The following TECPR1 variants were observed in gnomAD, a reference collection of about 807,000 sequenced individuals.
The protein encoded by TECPR1 is tectonin beta-propeller repeat containing 1, also known as tectonin beta-propeller repeat-containing protein 1.
TECPR1 carries 122 observed loss-of-function variants against 162.4 expected under a neutral mutation model. The observed-to-expected ratio is 0.75, with a 90% CI of 0.65 to 0.87. The LOEUF (loss-of-function observed/expected upper bound fraction) is 0.87, where lower values mean the gene tolerates loss of function less well. Ranked by LOEUF, TECPR1 falls within the 40% of genes least tolerant of loss-of-function variation. The pLI is 0.00. For synonymous variants in TECPR1, 642 were observed against 670.6 expected (o/e 0.96, Z 0.66); for missense variants, 1,432 against 1,618.2 (o/e 0.88, Z 1.97).
chr7:98,220,611 T>G (rs1349397458), intron 23 of TECPR1, among the ~76,000 whole-genome samples: 2 of 150,540 alleles, frequency 1.3e-5, no homozygotes, highest in African/African-American at 2.4e-5. Context: ...CAGGCTGGAG[T>G]GCAGTGACGC....
rs760319526 is a variant in TECPR1, at chr7:98,236,790, C to T, written c.1167G>A (p.Ser389=). 1.6e-5 allele frequency: 25 copies of T among 1,593,752 alleles called. 1 individual carries two copies. The highest frequency in any genetic ancestry group is 1.7e-5 in the Admixed American group (1 of 57,188). The change falls in exon 10 of 26, where the codon TCG becomes TCA. Residue 389 remains serine (S), a synonymous_variant. Coordinates refer to ENST00000447648, the MANE Select transcript of TECPR1 (RefSeq NM_015395.3). ...RECDRSHSGS[S]SSLLSAGCFF... ...CCCCCAGTCACCTGAGGAGACTAGA[C>T]GAGCTGCCAGAGTGTGACCGGTCAC...
At chr7:98,244,040 G>T (rs543359472) in intron 5 of TECPR1, among the ~76,000 whole-genome samples, 1 of 152,272 alleles carries the variant, frequency 6.6e-6, no homozygotes, top group Admixed American at 6.5e-5. Context: ...TCAACAGAGT[G>T]CAACAGAGCG....
At position 98,221,709 on chromosome 7, in the gene TECPR1, T is replaced by G. The variant is rs1467381375; in HGVS notation, c.3109A>C (p.Lys1037Gln). 1 of 1,613,500 alleles carries G rather than the reference T, an allele frequency of 6.2e-7. No homozygotes were observed. The highest frequency in any genetic ancestry group is 2.2e-5 in the East Asian group (1 of 44,872). ...HIPSPPRQRL[K>Q]QVSAGQTSVY... ...GACGTCTGCCCCGCGGACACCTGCT[T>G]CAGCCTCTGTCTCGGTGGGGACGGG... Residue 1037 changes from lysine to glutamine, a missense_variant, in exon 23 of 26, where the codon AAG becomes CAG. Lys to Gln is a moderately conservative substitution (Grantham distance 53). Coordinates refer to ENST00000447648, the MANE Select transcript of TECPR1 (RefSeq NM_015395.3).
At chr7:98,227,558 T>C (rs1484057271) in intron 17 of TECPR1, among the ~76,000 whole-genome samples, 1 of 151,762 alleles carries the variant, frequency 6.6e-6, no homozygotes, top group South Asian at 2.1e-4. Flanking sequence ...TGGTGGCTCA[T>C]GCCTGTAACC....
chr7:98,239,999 C>G (rs182508983), intron 8 of TECPR1, among the ~76,000 whole-genome samples: 1 of 151,826 alleles, frequency 6.6e-6, no homozygotes, highest in Admixed American at 6.6e-5. Context: ...AGCCCCGCTA[C>G]GAGGGAGGCT....
intron 21 of TECPR1, 45 bp from the exon 22 acceptor site, chr7:98,222,566 C>A (rs758465189): frequency 3.9e-6 from 6 of 1,540,994 alleles, no homozygotes; most frequent in East Asian, 2.4e-5. Context: ...GGGCCCCCAC[C>A]CCCAGGGCCC....
rs1420912108 is a variant in TECPR1, at chr7:98,241,374, C to T, written c.658-130G>A. 3.4e-6 allele frequency: 4 copies of T among 1,178,980 alleles called. No individual in the cohort carries two copies. The highest frequency in any genetic ancestry group is 4.8e-6 in the Non-Finnish European group (4 of 840,876). 73.0% of individuals were successfully genotyped at this position (1,178,980 alleles called of 1,614,324 possible). ...CCAGATCTCACTCCCTGCCCCCTAC[C>T]CCGGCCAAAAAACGCAAACCCTGGA... is the stretch of plus-strand genomic sequence containing the variant. On this transcript the variant is annotated intron_variant, in intron 6 of 25. Coordinates refer to ENST00000447648, the MANE Select transcript of TECPR1 (RefSeq NM_015395.3). The surrounding 1 kb of genome is among the most constrained non-coding windows in gnomAD (Gnocchi z 5.0).
chr7:98,219,681 C>T (rs932366956), intron 23 of TECPR1, among the ~76,000 whole-genome samples: 2 of 152,126 alleles, frequency 1.3e-5, no homozygotes, highest in Non-Finnish European at 1.5e-5. Flanking sequence ...GCAGGCGGAT[C>T]ACCTGAGGTT....
chr7:98,225,202 G>A, intron 17 of TECPR1, 100 bp from the exon 18 acceptor site: 1 of 1,160,636 alleles, frequency 8.6e-7, no homozygotes, highest in Non-Finnish European at 1.2e-6. Context: ...CCGAGCTCCA[G>A]TCTCAGAGCC....
intron 10 of TECPR1, among the ~76,000 whole-genome samples, chr7:98,235,827 CAAA>C (rs765569294): frequency 2.7e-5 from 1 of 36,694 alleles, no homozygotes. Context: ...GAGACTGTCT[CAAA>C]AAAAAAAAAA....
intron 2 of TECPR1, among the ~76,000 whole-genome samples, chr7:98,247,774 G>A (rs980271689): frequency 1.3e-5 from 2 of 151,968 alleles, no homozygotes; most frequent in African/African-American, 4.8e-5. Flanking sequence ...CCAGACTGGA[G>A]TACAGTGGTG....
chr7:98,239,690 G>C (rs1453782535), intron 8 of TECPR1, among the ~76,000 whole-genome samples: 1 of 152,172 alleles, frequency 6.6e-6, no homozygotes, highest in South Asian at 2.1e-4. Flanking sequence ...GGGACAGTCT[G>C]GTCTGTATTT....
At chr7:98,249,494 C>T (rs185702498) in intron 2 of TECPR1, among the ~76,000 whole-genome samples, 26 of 152,268 alleles carry the variant, frequency 1.7e-4, no homozygotes, top group African/African-American at 5.8e-4. Flanking sequence ...GTGACCCCTT[C>T]GTGCCTCACT....
chr7:98,224,169 C>T (rs1013875844), intron 19 of TECPR1, among the ~76,000 whole-genome samples: 10 of 152,152 alleles, frequency 6.6e-5, no homozygotes, highest in African/African-American at 2.2e-4. Flanking sequence ...TGGCTGTGGC[C>T]GAGGGGACGG....
Position 98,229,116 on chromosome 7 carries a change from C to T in TECPR1, c.2333G>A (p.Arg778Gln), listed in dbSNP as rs375317554. ...ATAGCCGATGCCCCACACCACGCCC[C>T]GGCTGTTGGCCTCCACCATCCGCAG... ...GHLRMVEANSRGVVWGIGYDH... is the reference protein window; with the variant it reads ...GHLRMVEANSQGVVWGIGYDH... Residue 778 changes from arginine (R) to glutamine (Q), a missense_variant, in exon 16 of 26, where the codon CGG becomes CAG. Transcript: ENST00000447648. The T allele has an allele frequency of 1.8e-5, 28 of 1,570,618 alleles. No homozygotes were observed. The Admixed American group carries it at 2.8e-4, about 16-fold the overall frequency.
rs199705921 is a variant in TECPR1 at position 98,231,115 on chromosome 7, C to T, written c.2128G>A (p.Ala710Thr). 2.6e-5 allele frequency: 41 copies of T among 1,600,284 alleles called. 1 individual carries two copies. The highest frequency in any genetic ancestry group is 3.4e-5 in the South Asian group (3 of 89,532). ...ATEQDMNDWLALLSLSCCESR... is the reference protein window; with the variant it reads ...ATEQDMNDWLTLLSLSCCESR... ...TCGCAGCAAGACAGGCTGAGCAGGG[C>T]GAGCTGGTGTGGCACAATGCCGGTC... The change falls in exon 15 of 26, where the codon GCC becomes ACC. Residue 710 changes from alanine to threonine, a missense_variant. Coordinates refer to ENST00000447648, the MANE Select transcript of TECPR1 (RefSeq NM_015395.3).
At chr7:98,218,096 C>A in intron 23 of TECPR1, 54 bp from the exon 24 acceptor site, 1 of 1,432,790 alleles carries the variant, frequency 7.0e-7, no homozygotes. Flanking sequence ...GCCCCTCCTG[C>A]CCGTGCGGCC....
chr7:98,233,641 C>T lies in TECPR1; in HGVS notation c.1452G>A (p.Glu484=). ...TGAGGTCAATATTGGTCCAGGGCAG[C>T]TCGGCCGGGGTGGGGGCCGGGCCGG... ...THPGPAPTPA[E]LPWTNIDLKE... Residue 484 remains glutamate (E), a synonymous_variant, in exon 11 of 26, where the codon GAG becomes GAA. Transcript: ENST00000447648. 6.3e-7 allele frequency: 1 copy of T among 1,590,378 alleles called. No homozygotes were observed. Among genetic ancestry groups the T allele is most frequent in the Non-Finnish European group, 8.6e-7 (1 of 1,167,210 alleles).
chr7:98,238,326 G>C (rs1312363197), intron 9 of TECPR1, among the ~76,000 whole-genome samples, 183 bp downstream of exon 9: 3 of 152,164 alleles, frequency 2.0e-5, no homozygotes, highest in Non-Finnish European at 4.4e-5. Context: ...TGTGCCACCG[G>C]GGGGGTGGGA....
Sources: allele counts gnomAD v4.1 joint callset (sites outside exome capture counted in the v4.1 genomes callset), GRCh38; gene constraint gnomAD v4.1.1; non-coding constraint Gnocchi (gnomAD v3.1); transcripts MANE v1.5; gene names NCBI Gene and HGNC (gene_info 2026-07-23, HGNC 2026-07-21).